The following GRIK4 variants were observed in gnomAD, a reference collection of about 807,000 sequenced individuals.
The protein encoded by GRIK4 is glutamate ionotropic receptor kainate type subunit 4, also known as glutamate receptor ionotropic, kainate 4.
A neutral mutation model predicts 104.9 loss-of-function variants in GRIK4; 40 were observed. That is an observed-to-expected ratio of 0.38 (90% CI 0.30 to 0.50). The LOEUF (loss-of-function observed/expected upper bound fraction) is 0.50. GRIK4 is among the 20% of genes least tolerant of loss of function. The pLI is 0.93. For missense variants in GRIK4, 1,047 were observed against 1,308.1 expected, an observed-to-expected ratio of 0.80 and a Z score of 3.08; for synonymous variants, 485 against 524.9, an observed-to-expected ratio of 0.92 and a Z score of 1.04.
At chr11:120,619,163 A>T (rs1467176501) in intron 1 of GRIK4, among the ~76,000 whole-genome samples, 1 of 152,188 alleles carries the variant, frequency 6.6e-6, no homozygotes, top group African/African-American at 2.4e-5. Context: ...TATGCCCTGG[A>T]TGTGAGAAAT....
intron 3 of GRIK4, among the ~76,000 whole-genome samples, chr11:120,673,277 A>G (rs546346244): frequency 6.6e-6 from 1 of 152,332 alleles, no homozygotes; most frequent in East Asian, 1.9e-4. Flanking sequence ...TATCTACTGA[A>G]TGAATGAATG....
At chr11:120,542,683 A>G (rs1948049266) in intron 1 of GRIK4, among the ~76,000 whole-genome samples, 1 of 152,262 alleles carries the variant, frequency 6.6e-6, no homozygotes, top group African/African-American at 2.4e-5. Context: ...AATAACCAAC[A>G]GGTATATGAA....
chr11:120,867,788 A>G (rs1016332217), intron 9 of GRIK4: 9 of 151,966 alleles, frequency 5.9e-5, no homozygotes, highest in African/African-American at 1.7e-4. Flanking sequence ...ATGCAAGCAG[A>G]AGAAGGGATG....
At chr11:120,656,974 A>G (rs897120703) in intron 2 of GRIK4, among the ~76,000 whole-genome samples, 2 of 152,192 alleles carry the variant, frequency 1.3e-5, no homozygotes, top group African/African-American at 4.8e-5. Flanking sequence ...ACACAGGGTA[A>G]TCTGACACCT....
rs571565935 is a variant in GRIK4, at chr11:120,905,979, C to T, written c.1476+486C>T. Among the ~76,000 whole-genome samples, 3 of 152,270 alleles carry T rather than the reference C, an allele frequency of 2.0e-5. No homozygotes were observed. Among genetic ancestry groups the T allele is most frequent in the South Asian group, 2.1e-4 (1 of 4,822 alleles). ...AGTTGGTCACAGCTACAGTTATTTT[C>T]GTACATCTTGTGTTATCTTTGGTTA... On this transcript the variant is annotated intron_variant, in intron 13 of 20. Coordinates refer to ENST00000527524, the MANE Select transcript of GRIK4 (RefSeq NM_014619.5). The surrounding 1 kb of genome is among the most constrained non-coding windows in gnomAD (Gnocchi z 5.1).
chr11:120,974,540 C>T (rs900734217), intron 19 of GRIK4, among the ~76,000 whole-genome samples: 8 of 152,294 alleles, frequency 5.3e-5, no homozygotes, highest in African/African-American at 9.6e-5. Context: ...TATTAAAATT[C>T]GAGAAATTTC....
At chr11:120,947,429 A>T (rs551827148) in intron 14 of GRIK4, among the ~76,000 whole-genome samples, 7 of 152,208 alleles carry the variant, frequency 4.6e-5, no homozygotes, top group Admixed American at 2.0e-4. Context: ...TGATGGAGAA[A>T]TAAATGCTGA....
intron 1 of GRIK4, among the ~76,000 whole-genome samples, chr11:120,639,526 C>T (rs1237132443): frequency 1.3e-5 from 2 of 152,308 alleles, no homozygotes; most frequent in East Asian, 1.9e-4. Flanking sequence ...CTCTTGGGGT[C>T]GGCCCCTGTC....
At chr11:120,646,469 G>A (rs754766492) in intron 1 of GRIK4, among the ~76,000 whole-genome samples, 1 of 152,148 alleles carries the variant, frequency 6.6e-6, no homozygotes, top group Non-Finnish European at 1.5e-5. Flanking sequence ...GTGAAGTTTT[G>A]TGAGTGGAGG....
chr11:120,516,119 A>G (rs1947721270), intron 1 of GRIK4, among the ~76,000 whole-genome samples: 2 of 152,194 alleles, frequency 1.3e-5, no homozygotes, highest in Admixed American at 1.3e-4. Context: ...TGAGCACTCA[A>G]GTCATTTACA....
At chr11:120,878,428 T>C (rs2135696246) in intron 11 of GRIK4, among the ~76,000 whole-genome samples, 1 of 152,296 alleles carries the variant, frequency 6.6e-6, no homozygotes, top group African/African-American at 2.4e-5. Context: ...AACTGCAGCC[T>C]CTTCACAGAG....
At chr11:120,732,308 A>AT (rs998156394) in intron 3 of GRIK4, among the ~76,000 whole-genome samples, 2 of 151,412 alleles carry the variant, frequency 1.3e-5, no homozygotes, top group Non-Finnish European at 2.9e-5. Context: ...ATTTTTGTAT[A>AT]TTTTTTAGTA....
chr11:120,575,628 G>A (rs1948472773), intron 1 of GRIK4, among the ~76,000 whole-genome samples: 2 of 152,126 alleles, frequency 1.3e-5, no homozygotes, highest in African/African-American at 2.4e-5. Flanking sequence ...CCAGGCACAA[G>A]TGTAGAACTG....
chr11:120,714,296 G>A (rs372342713), intron 3 of GRIK4, among the ~76,000 whole-genome samples: 4 of 152,228 alleles, frequency 2.6e-5, no homozygotes, highest in African/African-American at 4.8e-5. Context: ...GTGCTAGTGC[G>A]TGTGATTATT....
chr11:120,628,668 C>CATT (rs1242780301), intron 1 of GRIK4, among the ~76,000 whole-genome samples: 1 of 152,136 alleles, frequency 6.6e-6, no homozygotes, highest in African/African-American at 2.4e-5. Flanking sequence ...GGAGAAGGGA[C>CATT]ATTAGCTCCT....
At chr11:120,947,827 G>A (rs1188071164) in intron 14 of GRIK4, among the ~76,000 whole-genome samples, 1 of 152,166 alleles carries the variant, frequency 6.6e-6, no homozygotes, top group African/African-American at 2.4e-5. Flanking sequence ...ACCCAGAGAA[G>A]TTGAGTGACT....
At chr11:120,895,415 G>A (rs1942550670) in intron 11 of GRIK4, among the ~76,000 whole-genome samples, 1 of 152,090 alleles carries the variant, frequency 6.6e-6, no homozygotes, top group South Asian at 2.1e-4. Context: ...AGTCCATTGG[G>A]AGCCAATTCT....
chr11:120,587,290 G>A (rs998739161), intron 1 of GRIK4, among the ~76,000 whole-genome samples: 1 of 152,008 alleles, frequency 6.6e-6, no homozygotes, highest in African/African-American at 2.4e-5. Flanking sequence ...GGAAGGCACC[G>A]CGGCCAGTGT....
At chr11:120,804,728 G>A (rs1939671) in intron 4 of GRIK4, among the ~76,000 whole-genome samples, 11,040 of 152,206 alleles carry the variant, frequency 0.073, 474 homozygotes, top group African/African-American at 0.11. Context: ...GCACATCAGG[G>A]GCAGCTTCCC....
Sources: allele counts gnomAD v4.1 joint callset (sites outside exome capture counted in the v4.1 genomes callset), GRCh38; gene constraint gnomAD v4.1.1; non-coding constraint Gnocchi (gnomAD v3.1); transcripts MANE v1.5; gene names NCBI Gene and HGNC (gene_info 2026-07-23, HGNC 2026-07-21).